The following SLC15A4 variants were observed in gnomAD, a reference collection of about 807,000 sequenced individuals.
The protein encoded by SLC15A4 is solute carrier family 15 member 4, also known as hPHT1.
A neutral mutation model predicts 46.1 loss-of-function variants in SLC15A4; 26 were observed. The ratio of observed to expected loss-of-function variants is 0.56; its 90% CI spans 0.41 to 0.78. SLC15A4 has a LOEUF of 0.78. Ranked by LOEUF, SLC15A4 falls within the 30% of genes least tolerant of loss-of-function variation. The probability of loss-of-function intolerance (pLI) is 0.00; values close to 1 mark genes in which losing one functional copy is unlikely to be tolerated. For synonymous variants in SLC15A4, 370 were observed against 333.4 expected, an observed-to-expected ratio of 1.11 and a Z score of -1.20; for missense variants, 751 against 755.7, an observed-to-expected ratio of 0.99 and a Z score of 0.07.
intron 7 of SLC15A4, among the ~76,000 whole-genome samples, chr12:128,795,549 T>C (rs545581712): frequency 6.6e-6 from 1 of 152,250 alleles, no homozygotes; most frequent in Non-Finnish European, 1.5e-5. Context: ...AGAAAGGCAC[T>C]CAAGAGGGAG....
chr12:128,796,716 C>T (rs1432199675), intron 7 of SLC15A4, among the ~76,000 whole-genome samples: 2 of 152,242 alleles, frequency 1.3e-5, no homozygotes, highest in African/African-American at 4.8e-5. Flanking sequence ...GCTGTCACTG[C>T]TGTCCCAACA....
chr12:128,794,158 C>T lies in SLC15A4; in HGVS notation c.*38G>A, dbSNP rs1168961860. The T allele has an allele frequency of 1.6e-5, 25 of 1,576,508 alleles. No individual in the cohort carries two copies. Among genetic ancestry groups the T allele is most frequent in the Non-Finnish European group, 2.0e-5 (23 of 1,158,618 alleles). ...TCAGTGCACCCCAGTCAGTTACTGA[C>T]ATGTCAGCCTCAGAAACCGCACATG... On this transcript the variant is annotated 3_prime_UTR_variant, in exon 8 of 8. Transcript: ENST00000266771.
At chr12:128,800,620 G>A (rs897574199) in intron 6 of SLC15A4, among the ~76,000 whole-genome samples, 2 of 152,170 alleles carry the variant, frequency 1.3e-5, no homozygotes, top group African/African-American at 4.8e-5. Context: ...GCACTTACAA[G>A]GTAGTTAACA....
Position 128,808,802 on chromosome 12 carries a change from G to T in SLC15A4, c.1244C>A (p.Ser415Ter), listed in dbSNP as rs753259742. ...ATGCCTCTTACCTGCAGCAAAGGCC[G>T]AGCACATGACAAAGAACATGCCCAC... ...IAVGMFFVMC[S>*]AFAAGILESK... Residue 415 changes from serine to a stop codon, truncating the protein, a stop_gained, in exon 5 of 8, where the codon TCG (serine) becomes TAG (stop). Coordinates refer to ENST00000266771, the MANE Select transcript of SLC15A4 (RefSeq NM_145648.4). LOFTEE classifies it high-confidence loss of function. 6.2e-7 allele frequency: 1 copy of T among 1,614,138 alleles called. No individual in the cohort carries two copies. Among genetic ancestry groups the T allele is most frequent in the Non-Finnish European group, 8.5e-7 (1 of 1,180,022 alleles).
chr12:128,815,290 C>T, intron 1 of SLC15A4: 1 of 220,038 alleles, frequency 4.5e-6, no homozygotes, highest in Non-Finnish European at 8.3e-6. Flanking sequence ...CTTAATTACA[C>T]TAAATTCCAA....
rs1441094737 is a variant in SLC15A4 at position 128,814,871 on chromosome 12, G to A, written c.746C>T (p.Thr249Ile). The change falls in exon 2 of 8, where the codon ACC becomes ATC. Residue 249 changes from threonine to isoleucine, a missense_variant. Transcript: ENST00000266771. ...GAAGGCACTGCCATCAGGAGGCTTG[G>A]TGATGAAAACGCTCTGGCCACAGAG... ...VFLCGQSVFI[T>I]KPPDGSAFTD... 23 of 1,614,062 alleles carry A rather than the reference G, an allele frequency of 1.4e-5. No homozygotes were observed. The highest frequency in any genetic ancestry group is 1.9e-5 in the Non-Finnish European group (22 of 1,180,032).
Position 128,802,963 on chromosome 12 carries a change from T to C in SLC15A4, c.1259-1954A>G, listed in dbSNP as rs546687491. Reference sequence around the variant, plus strand: ...GAGCGAGGCGGAGAGGCAAAGCCAATGGGGAAAATGACCCTGCCTGTGAAC... The same window carrying C: ...GAGCGAGGCGGAGAGGCAAAGCCAACGGGGAAAATGACCCTGCCTGTGAAC... On this transcript the variant is annotated intron_variant, in intron 5 of 7. Transcript: ENST00000266771. Among the ~76,000 whole-genome samples, 5 of 152,052 alleles carry C rather than the reference T, an allele frequency of 3.3e-5. No individual in the cohort carries two copies. The South Asian group carries it at 1.0e-3, about 32-fold the overall frequency.
intron 2 of SLC15A4, 41 bp from the exon 3 acceptor site, chr12:128,810,152 C>T: frequency 1.3e-6 from 2 of 1,590,614 alleles, no homozygotes; most frequent in South Asian, 2.2e-5. Context: ...TCTTCCCCTC[C>T]CAGCAATCAA....
chr12:128,812,757 C>T (rs1020812394), intron 2 of SLC15A4, among the ~76,000 whole-genome samples: 5 of 152,202 alleles, frequency 3.3e-5, no homozygotes, highest in Non-Finnish European at 7.3e-5. Context: ...ATGAATCCAT[C>T]TCCGCTGTAA....
At position 128,800,979 on chromosome 12, in the gene SLC15A4, A is replaced by G; in HGVS notation, c.1289T>C (p.Val430Ala). The G allele has an allele frequency of 1.2e-6, 2 of 1,613,510 alleles. No homozygotes were observed. Among genetic ancestry groups the G allele is most frequent in the Non-Finnish European group, 1.7e-6 (2 of 1,179,806 alleles). ...GILESKRLNLVKEKTINQTIG... is the reference protein window; with the variant it reads ...GILESKRLNLAKEKTINQTIG... ...GGTCTGATTAATGGTTTTCTCTTTA[A>G]CAAGGTTCAGCCTTTTACTCTCCAA... Residue 430 changes from valine to alanine, a missense_variant, in exon 6 of 8, where the codon GTT (valine) becomes GCT (alanine). By Grantham distance (64) the Val-to-Ala change is moderately conservative (BLOSUM62 0). Transcript: ENST00000266771.
chr12:128,821,067 C>T (rs539528518), intron 1 of SLC15A4, among the ~76,000 whole-genome samples: 2 of 152,336 alleles, frequency 1.3e-5, no homozygotes, highest in Admixed American at 6.5e-5. Flanking sequence ...AGCTGGCTCC[C>T]ATTCACAAGG....
rs1038415456 is a variant in SLC15A4, at chr12:128,799,254, C to T, written c.1573+5G>A. The T allele has an allele frequency of 2.7e-5, 44 of 1,614,018 alleles. No homozygotes were observed. In the East Asian group the frequency reaches 9.8e-4, roughly 36 times the overall value. On this transcript the variant is annotated splice_donor_5th_base_variant and intron_variant, in intron 7 of 7. Coordinates refer to ENST00000266771, the MANE Select transcript of SLC15A4 (RefSeq NM_145648.4). ...TTTCAAAAGGGACAGGATGCTGGCT[C>T]TTACCAAAGTCTGTGTGACTGCTCA... is the stretch of plus-strand genomic sequence containing the variant.
rs763712637 is a variant in SLC15A4, at chr12:128,794,375, A to C, written c.1574-19T>G. On this transcript the variant is annotated intron_variant, in intron 7 of 7. Transcript: ENST00000266771. ...ATATTACCTGGAGAAAACAAAAGGA[A>C]AGCGGCAGGTAAGCTGCGCTGCTAC... 1.0e-5 allele frequency: 16 copies of C among 1,600,860 alleles called. 1 individual carries two copies. In the Admixed American group the frequency reaches 2.8e-4, roughly 28 times the overall value.
Position 128,814,954 on chromosome 12 carries a change from G to A in SLC15A4, c.663C>T (p.Ser221=). The change falls in exon 2 of 8, where the codon AGC becomes AGT. Residue 221 remains serine (S), a synonymous_variant. Coordinates refer to ENST00000266771, the MANE Select transcript of SLC15A4 (RefSeq NM_145648.4). ...GGIAYIQQNV[S]FVTGYAIPTV... is the part of the protein sequence containing the mutation. ...TGGGGATCGCATAACCAGTGACAAA[G>A]CTGACGTTCTGCTGAATATAGGCAA... 1.2e-6 allele frequency: 2 copies of A among 1,614,166 alleles called. No individual in the cohort carries two copies. Among genetic ancestry groups the A allele is most frequent in the Non-Finnish European group, 1.7e-6 (2 of 1,180,038 alleles).
chr12:128,803,570 C>T (rs140861486), intron 5 of SLC15A4, among the ~76,000 whole-genome samples: 11 of 152,188 alleles, frequency 7.2e-5, no homozygotes, highest in East Asian at 5.8e-4. Flanking sequence ...TCCAACCCAA[C>T]GGCTGTTTCA....
chr12:128,809,052 G>T, intron 4 of SLC15A4, 96 bp from the exon 5 acceptor site: 1 of 1,159,814 alleles, frequency 8.6e-7, no homozygotes. Flanking sequence ...TGCACGTAAA[G>T]AACAGTTCCT....
intron 2 of SLC15A4, among the ~76,000 whole-genome samples, chr12:128,810,851 G>A (rs370629058): frequency 4.5e-4 from 69 of 152,262 alleles, no homozygotes; most frequent in Middle Eastern, 3.4e-3. Flanking sequence ...GGAAGATGCC[G>A]GGGCACAGAG....
At chr12:128,809,562 G>A in intron 3 of SLC15A4, 89 bp from the exon 4 acceptor site, 1 of 761,852 alleles carries the variant, frequency 1.3e-6, no homozygotes, top group Non-Finnish European at 2.2e-6. Context: ...GCTAGACTCA[G>A]ATGCGACACA....
In SLC15A4 at chr12:128,823,267, G is replaced by T; in HGVS notation, c.546+131C>A. On this transcript the variant is annotated intron_variant, in intron 1 of 7. Transcript: ENST00000266771. ...GCCCACCTGCTGGCGGGATTCCTCGGCACTAGACAGAAGCCCCCCGGGGCA... is the reference window on the plus strand; with the variant it reads ...GCCCACCTGCTGGCGGGATTCCTCGTCACTAGACAGAAGCCCCCCGGGGCA... 5 of 885,944 alleles carry T rather than the reference G, an allele frequency of 5.6e-6. No individual in the cohort carries two copies. The South Asian group carries it at 9.8e-5, about 17-fold the overall frequency. The allele number at this position is 885,944 out of a possible 1,614,324, so 54.9% of individuals were successfully genotyped here. A position where few individuals can be genotyped will look rare whatever the true frequency, so the allele number is the denominator to read the frequency against.
Sources: gnomAD v4.1 joint callset for allele counts (sites outside exome capture counted in the v4.1 genomes callset) on GRCh38, gnomAD v4.1.1 for gene constraint, MANE v1.5 for transcripts, NCBI Gene and HGNC (gene_info 2026-07-23, HGNC 2026-07-21) for gene names.